The following TBC1D4 variants were observed in gnomAD, a reference collection of about 807,000 sequenced individuals.
TBC1D4 encodes the protein TBC1 domain family member 4.
In TBC1D4, 121 loss-of-function variants were observed where a neutral mutation model predicts 142.5. The ratio of observed to expected loss-of-function variants is 0.85; its 90% CI spans 0.73 to 0.99. The LOEUF is 0.99. Among genes scored for constraint, TBC1D4 ranks in the 50% least tolerant of loss-of-function variants. TBC1D4 has a pLI of 0.00. For synonymous variants in TBC1D4, 630 were observed against 628.2 expected (o/e 1.00, Z -0.04); for missense variants, 1,475 against 1,606.6 (o/e 0.92, Z 1.40).
intron 1 of TBC1D4, among the ~76,000 whole-genome samples, chr13:75,364,284 C>T (rs1286577208): frequency 6.6e-6 from 1 of 152,196 alleles, no homozygotes; most frequent in East Asian, 1.9e-4. Context: ...GAGATGTTAA[C>T]AGTTTATTGC....
intron 1 of TBC1D4, among the ~76,000 whole-genome samples, chr13:75,469,246 C>T (rs182385555): frequency 5.8e-4 from 88 of 152,148 alleles, no homozygotes; most frequent in African/African-American, 2.0e-3. Flanking sequence ...ATGAACGGGG[C>T]GGAGTCACAC....
chr13:75,419,716 T>C (rs1886082831), intron 1 of TBC1D4, among the ~76,000 whole-genome samples: 1 of 152,206 alleles, frequency 6.6e-6, no homozygotes, highest in Admixed American at 6.5e-5. Context: ...ATCTGGTACA[T>C]ATGTGGAACT....
chr13:75,376,031 A>G (rs1343453140), intron 1 of TBC1D4: 2 of 152,228 alleles, frequency 1.3e-5, no homozygotes, highest in African/African-American at 4.8e-5. Flanking sequence ...AGACAAGGCA[A>G]TACATCAGAG....
At chr13:75,290,560 T>C (rs1045807048) in intron 19 of TBC1D4, among the ~76,000 whole-genome samples, 1 of 152,058 alleles carries the variant, frequency 6.6e-6, no homozygotes, top group Non-Finnish European at 1.5e-5. Flanking sequence ...TTCTGAAAAA[T>C]TTATAAACAA....
At chr13:75,323,020 T>G (rs1349356220) in intron 11 of TBC1D4, among the ~76,000 whole-genome samples, 1 of 152,130 alleles carries the variant, frequency 6.6e-6, no homozygotes, top group African/African-American at 2.4e-5. Flanking sequence ...AGTTATCTTT[T>G]CTTAAAGTGA....
chr13:75,325,793 A>C (rs970084641), intron 10 of TBC1D4, among the ~76,000 whole-genome samples: 2 of 152,192 alleles, frequency 1.3e-5, no homozygotes, highest in Admixed American at 6.5e-5. Context: ...AACTTAGGTG[A>C]CTTTTAAAAC....
intron 1 of TBC1D4, among the ~76,000 whole-genome samples, chr13:75,462,147 A>C (rs537775628): frequency 1.3e-5 from 2 of 152,066 alleles, no homozygotes; most frequent in Admixed American, 6.6e-5. Flanking sequence ...CCCTCTAAAA[A>C]TCCTATGCCA....
At chr13:75,313,283 C>A (rs1412307122) in intron 12 of TBC1D4, among the ~76,000 whole-genome samples, 4 of 152,222 alleles carry the variant, frequency 2.6e-5, no homozygotes, top group Admixed American at 2.6e-4. Flanking sequence ...AAAAGCCTCA[C>A]AAAGAGCTTT....
rs1246546543 is a variant in TBC1D4 at position 75,408,611 on chromosome 13, TGGTAACTCTATGTTTAA to T, written c.499-46021_499-46005del. ...CTGGGAGTCGAACTGCTGAGTTAACTGGTAACTCTATGTTTAACCTTTCAAAGAACTGCGAGACATTT... is the reference window on the plus strand; with the variant it reads ...CTGGGAGTCGAACTGCTGAGTTAACTCCTTTCAAAGAACTGCGAGACATTT... On this transcript the variant is annotated intron_variant, in intron 1 of 20. Coordinates refer to ENST00000377636, the MANE Select transcript of TBC1D4 (RefSeq NM_014832.5). Among the ~76,000 whole-genome samples, 6 of 152,208 alleles carry T rather than the reference TGGTAACTCTATGTTTAA, an allele frequency of 3.9e-5. No individual in the cohort carries two copies. In the East Asian group the frequency reaches 1.2e-3, roughly 29 times the overall value.
At chr13:75,447,923 G>C (rs1316939249) in intron 1 of TBC1D4, among the ~76,000 whole-genome samples, 3 of 152,004 alleles carry the variant, frequency 2.0e-5, no homozygotes, top group African/African-American at 7.3e-5. Flanking sequence ...CCAGCTCAGG[G>C]TTCCCACTGA....
rs756403349 is a variant in TBC1D4 at position 75,302,204 on chromosome 13, G to A, written c.2911+39C>T. The A allele has an allele frequency of 4.3e-6, 7 of 1,613,234 alleles. No homozygotes were observed. The Admixed American group carries it at 1.2e-4, about 27-fold the overall frequency. On this transcript the variant is annotated intron_variant, in intron 16 of 20. Transcript: ENST00000377636. ...AAAAAACTTAACAGAGGGATCAGCT[G>A]TTTACTTTTGTAAATTATAATCCAC...
intron 1 of TBC1D4, among the ~76,000 whole-genome samples, chr13:75,409,824 A>G (rs1885528577): frequency 1.3e-5 from 2 of 152,364 alleles, no homozygotes; most frequent in South Asian, 2.1e-4. Context: ...CTAGATAGCT[A>G]TAAAGGTCCC....
At chr13:75,383,515 T>C (rs1883980750) in intron 1 of TBC1D4, among the ~76,000 whole-genome samples, 2 of 152,104 alleles carry the variant, frequency 1.3e-5, no homozygotes, top group South Asian at 4.1e-4. Context: ...AGTCCCTCCT[T>C]ATCTGTAGTT....
chr13:75,480,130 G>C (rs1233921728), intron 1 of TBC1D4, among the ~76,000 whole-genome samples: 2 of 151,722 alleles, frequency 1.3e-5, no homozygotes, highest in African/African-American at 4.8e-5. Flanking sequence ...GAAAACTGTT[G>C]AACTAAGTCT....
Position 75,375,298 on chromosome 13 carries a change from G to A in TBC1D4, c.499-12691C>T, listed in dbSNP as rs116451593. ...TAGAGGTGTGGTAAATGAGCTCTTC[G>A]TCTCCTCCAATTCTGGGGGCCACTC... On this transcript the variant is annotated intron_variant, in intron 1 of 20. Coordinates refer to ENST00000377636, the MANE Select transcript of TBC1D4 (RefSeq NM_014832.5). Among the ~76,000 whole-genome samples the A allele has an allele frequency of 5.3e-3, 809 of 152,284 alleles. 13 individuals are homozygous for A. The highest frequency in any genetic ancestry group is 0.018 in the African/African-American group (762 of 41,564).
chr13:75,331,341 A>T (rs1469513100), intron 8 of TBC1D4, among the ~76,000 whole-genome samples: 2 of 151,976 alleles, frequency 1.3e-5, no homozygotes, highest in African/African-American at 4.8e-5. Context: ...AAAAAAAAAT[A>T]AAAATAAAAT....
At chr13:75,470,812 C>T (rs1019230063) in intron 1 of TBC1D4, among the ~76,000 whole-genome samples, 3 of 152,072 alleles carry the variant, frequency 2.0e-5, no homozygotes, top group African/African-American at 7.2e-5. Flanking sequence ...ATAGTGAAAC[C>T]TCGTTTCTAC....
At chr13:75,430,248 G>C (rs1256347221) in intron 1 of TBC1D4, among the ~76,000 whole-genome samples, 1 of 152,150 alleles carries the variant, frequency 6.6e-6, no homozygotes, top group Non-Finnish European at 1.5e-5. Context: ...AAACATTACA[G>C]CCTTTAGTTG....
At chr13:75,454,027 T>G (rs1319103073) in intron 1 of TBC1D4, among the ~76,000 whole-genome samples, 1 of 28,916 alleles carries the variant, frequency 3.5e-5, no homozygotes, top group Non-Finnish European at 6.5e-5. Flanking sequence ...AAATCTCTAT[T>G]TTTTTTTTTT....
Sources: gnomAD v4.1 joint callset for allele counts (sites outside exome capture counted in the v4.1 genomes callset) on GRCh38, gnomAD v4.1.1 for gene constraint, MANE v1.5 for transcripts, NCBI Gene and HGNC (gene_info 2026-07-23, HGNC 2026-07-21) for gene names.